Variants in ZNF839 observed in about 807,000 individuals in gnomAD.
The protein encoded by ZNF839 is renal carcinoma antigen NY-REN-50.
In ZNF839, 38 loss-of-function variants were observed where a neutral mutation model predicts 56.4. The observed-to-expected ratio is 0.67, with a 90% CI of 0.52 to 0.88. The LOEUF (loss-of-function observed/expected upper bound fraction) is 0.88, where lower values mean the gene tolerates loss of function less well. ZNF839 is among the 40% of genes least tolerant of loss of function. ZNF839 has a pLI of 0.00. For missense variants in ZNF839, 1,091 were observed against 1,177.6 expected (o/e 0.93, Z 1.08); for synonymous variants, 486 against 493.5 (o/e 0.98, Z 0.20).
Position 102,332,548 on chromosome 14 carries a change from G to A in ZNF839, c.1416+702G>A, listed in dbSNP as rs926979151. ...CTGTTCTAGGGATGGAGGGGACAGTGTGCACAAGATAGACAGGGCTCGGCT... is the reference window on the plus strand; with the variant it reads ...CTGTTCTAGGGATGGAGGGGACAGTATGCACAAGATAGACAGGGCTCGGCT... On this transcript the variant is annotated intron_variant, in intron 3 of 7. Transcript: ENST00000442396. The surrounding 1 kb of genome is among the most constrained non-coding windows in gnomAD (Gnocchi z 4.9). 3.3e-5 allele frequency among the ~76,000 whole-genome samples: 5 copies of A among 152,212 alleles called. No individual in the cohort carries two copies. Among genetic ancestry groups the A allele is most frequent in the Non-Finnish European group, 7.3e-5 (5 of 68,040 alleles).
chr14:102,322,371 G>A (rs1352362473), intron 1 of ZNF839, among the ~76,000 whole-genome samples: 2 of 152,210 alleles, frequency 1.3e-5, no homozygotes, highest in Non-Finnish European at 2.9e-5. Context: ...TCAAGGGTGA[G>A]GTTAGGACTT....
At chr14:102,327,264 G>A (rs185660026) in intron 2 of ZNF839, among the ~76,000 whole-genome samples, 38 of 151,824 alleles carry the variant, frequency 2.5e-4, no homozygotes, top group African/African-American at 8.7e-4. Flanking sequence ...CCTCAGCCTC[G>A]CAAGTAGCTG....
chr14:102,319,912 G>T lies in ZNF839; in HGVS notation c.147G>T (p.Thr49=). Residue 49 remains threonine, a synonymous_variant, in exon 1 of 8, where the codon ACG becomes ACT. Transcript: ENST00000442396. This position sits in a 1 kb window ranked among gnomAD's most constrained non-coding sequence, Gnocchi z 4.5. ...EQLRQVLEQV[T]KAQPPPPPPP... ...TGCGGCAGGTCCTGGAGCAGGTGAC[G>T]AAGGCGCAGCCGCCGCCGCCGCCGC... 8.3e-7 allele frequency: 1 copy of T among 1,210,740 alleles called. No individual in the cohort carries two copies. Among genetic ancestry groups the T allele is most frequent in the South Asian group, 2.4e-5 (1 of 40,982 alleles). 75.0% of individuals were successfully genotyped at this position (1,210,740 alleles called of 1,614,324 possible).
chr14:102,341,966 G>C lies in ZNF839; in HGVS notation c.2571G>C (p.Gln857His), dbSNP rs758100163. 3 of 1,614,062 alleles carry C rather than the reference G, an allele frequency of 1.9e-6. No individual in the cohort carries two copies. The highest frequency in any genetic ancestry group is 3.3e-5 in the Admixed American group (2 of 60,030). ...GTGGGATGGAGGTGCACTCTGGCCA[G>C]AGAGAACTGGAGAGCGTGGTTGCTG... ...FPCGMEVHSG[Q>H]RELESVVAVG... The change falls in exon 8 of 8, where the codon CAG becomes CAC. Residue 857 changes from glutamine to histidine, a missense_variant. Around this residue, in one of 3 missense-constraint regions of ZNF839, gnomAD observed 431 missense variants for 468.0 expected, o/e 0.92. Transcript: ENST00000442396.
chr14:102,329,561 T>C (rs947708784), intron 2 of ZNF839, among the ~76,000 whole-genome samples: 4 of 151,976 alleles, frequency 2.6e-5, no homozygotes, highest in African/African-American at 9.7e-5. Flanking sequence ...ATTTTTGTAC[T>C]TTTAGTAGAG....
chr14:102,325,060 T>C (rs1290375872), intron 1 of ZNF839, among the ~76,000 whole-genome samples: 1 of 152,080 alleles, frequency 6.6e-6, no homozygotes, highest in Non-Finnish European at 1.5e-5. Flanking sequence ...TAAAAAGTGA[T>C]GTAGAATAGG....
In ZNF839 at chr14:102,341,921, G is replaced by A. The variant is rs751891475; in HGVS notation, c.2526G>A (p.Gly842=). 4 of 1,613,922 alleles carry A rather than the reference G, an allele frequency of 2.5e-6. No individual in the cohort carries two copies. In the South Asian group the frequency reaches 3.3e-5, roughly 13 times the overall value. Residue 842 remains glycine, a synonymous_variant, in exon 8 of 8, where the codon GGG becomes GGA. Coordinates refer to ENST00000442396, the MANE Select transcript of ZNF839 (RefSeq NM_018335.6). ...LTEGCLRSLS[G]DLNRFPCGME... ...AAGGGTGTCTCAGAAGCCTTTCGGG[G>A]GACTTGAACCGGTTCCCCTGTGGGA...
chr14:102,320,091 G>T, intron 1 of ZNF839, 38 bp downstream of exon 1: 4 of 1,160,528 alleles, frequency 3.4e-6, no homozygotes, highest in Non-Finnish European at 4.2e-6. Flanking sequence ...ACTGAGGCCC[G>T]AAGGGGGCCG....
Position 102,342,259 on chromosome 14 carries a change from G to T in ZNF839, c.*80G>T. On this transcript the variant is annotated 3_prime_UTR_variant, in exon 8 of 8. Transcript: ENST00000442396. ...CACAGTGAAGTGGAGTCAGATCCTA[G>T]ATTCGTCTGATTTTATCCAGAGAAG... is the stretch of plus-strand genomic sequence containing the variant. 6.6e-7 allele frequency: 1 copy of T among 1,505,880 alleles called. No individual in the cohort carries two copies. 93.3% of individuals were successfully genotyped at this position (1,505,880 alleles called of 1,614,324 possible).
chr14:102,333,667 G>A lies in ZNF839; in HGVS notation c.1417-887G>A, dbSNP rs1309510025. On this transcript the variant is annotated intron_variant, in intron 3 of 7. Coordinates refer to ENST00000442396, the MANE Select transcript of ZNF839 (RefSeq NM_018335.6). ...TTATTGCTTCCCTGGGGATCTCACC[G>A]TCCTCCTGGTTTCCCAGGCCTTCTT... is the stretch of plus-strand genomic sequence containing the variant. Among the ~76,000 whole-genome samples, 5 of 152,086 alleles carry A rather than the reference G, an allele frequency of 3.3e-5. No homozygotes were observed. The East Asian group carries it at 5.8e-4, about 18-fold the overall frequency.
upstream of ZNF839, among the ~76,000 whole-genome samples, chr14:102,318,355 G>T: frequency 6.6e-6 from 1 of 152,300 alleles, no homozygotes; most frequent in East Asian, 1.9e-4. Context: ...AAATCTGGTC[G>T]GGTGTGGTGG....
At position 102,334,565 on chromosome 14, in the gene ZNF839, G is replaced by GCCCC; in HGVS notation, c.1428_1429insCCCC (p.Cys477ProfsTer3). On this transcript the variant is annotated frameshift_variant, in exon 4 of 8. Coordinates refer to ENST00000442396, the MANE Select transcript of ZNF839 (RefSeq NM_018335.6). LOFTEE classifies it high-confidence loss of function. ...CTTTCCCTTGGTAGTTCCTCCAGCA[G>GCCCC]TGTGACCGGGAGGATCTGGTGGAAT... 1 of 1,610,680 alleles carries GCCCC rather than the reference G, an allele frequency of 6.2e-7. No homozygotes were observed. The highest frequency in any genetic ancestry group is 8.5e-7 in the Non-Finnish European group (1 of 1,178,378).
intron 2 of ZNF839, among the ~76,000 whole-genome samples, chr14:102,327,454 A>T (rs1046235356): frequency 1.3e-5 from 2 of 152,032 alleles, no homozygotes; most frequent in African/African-American, 4.8e-5. Context: ...ACACACTTTT[A>T]AACAACCAGA....
chr14:102,331,697 T>C lies in ZNF839; in HGVS notation c.1267T>C (p.Tyr423His). The stretch of plus-strand genomic sequence containing the variant: ...TGGAGCTCTTTTGCGATCAGAGAGA[T>C]ACCAAGGACCTAGAAGACGCGCATG... ...ENGALLRSERYQGPRRRACSE... is the reference protein window; with the variant it reads ...ENGALLRSERHQGPRRRACSE... The change falls in exon 3 of 8, where the codon TAC becomes CAC. Residue 423 changes from tyrosine to histidine, a missense_variant. By Grantham distance (83) the Tyr-to-His change is moderately conservative. Around this residue, in one of 3 missense-constraint regions of ZNF839, gnomAD observed 614 missense variants for 629.2 expected, o/e 0.98. Coordinates refer to ENST00000442396, the MANE Select transcript of ZNF839 (RefSeq NM_018335.6). The C allele has an allele frequency of 4.3e-6, 7 of 1,612,058 alleles. No individual in the cohort carries two copies. The highest frequency in any genetic ancestry group is 2.5e-6 in the Non-Finnish European group (3 of 1,179,064).
intron 7 of ZNF839, among the ~76,000 whole-genome samples, chr14:102,340,518 C>T (rs1166330170): frequency 6.6e-6 from 1 of 151,984 alleles, no homozygotes; most frequent in Non-Finnish European, 1.5e-5. Context: ...ATGATCTGCC[C>T]GCCTCAGCCT....
upstream of ZNF839, chr14:102,317,588 T>C (rs1216844339): frequency 6.6e-6 from 1 of 152,038 alleles, no homozygotes; most frequent in Admixed American, 6.6e-5. Context: ...AAAATCCAGG[T>C]CTGGAATGAA....
chr14:102,335,864 G>C (rs779351873), intron 5 of ZNF839, 26 bp downstream of exon 5: 3 of 1,606,500 alleles, frequency 1.9e-6, no homozygotes, highest in African/African-American at 1.3e-5. Flanking sequence ...GGCAGAAAGA[G>C]TTTTGCTCAT....
chr14:102,325,000 T>C (rs1465677030), intron 1 of ZNF839, among the ~76,000 whole-genome samples: 2 of 152,182 alleles, frequency 1.3e-5, no homozygotes, highest in Non-Finnish European at 2.9e-5. Flanking sequence ...AAGGCTCTTA[T>C]CTCTTCACTG....
In ZNF839 at chr14:102,325,970, C is replaced by T; in HGVS notation, c.289-15C>T. ...ACAATGCTTCTTTTCTCTTTCTTGT[C>T]TTTCTGTACGTAAGCAACTAGAAGC... On this transcript the variant is annotated splice_polypyrimidine_tract_variant and intron_variant, in intron 1 of 7. Coordinates refer to ENST00000442396, the MANE Select transcript of ZNF839 (RefSeq NM_018335.6). The T allele has an allele frequency of 6.2e-7, 1 of 1,608,376 alleles. No homozygotes were observed. Among genetic ancestry groups the T allele is most frequent in the Non-Finnish European group, 8.5e-7 (1 of 1,177,596 alleles).
Sources: allele counts gnomAD v4.1 joint callset (sites outside exome capture counted in the v4.1 genomes callset), GRCh38; gene constraint gnomAD v4.1.1; regional missense constraint gnomAD v4.1.1; non-coding constraint Gnocchi (gnomAD v3.1); transcripts MANE v1.5; gene names NCBI Gene and HGNC (gene_info 2026-07-23, HGNC 2026-07-21).